The following HDX variants were observed in gnomAD, a reference collection of about 807,000 sequenced individuals.
HDX encodes chromosome X open reading frame 43.
A neutral mutation model predicts 45.2 loss-of-function variants in HDX; 19 were observed. The ratio of observed to expected loss-of-function variants is 0.42; its 90% CI spans 0.29 to 0.62. The LOEUF is 0.62. Ranked by LOEUF, HDX falls within the 20% of genes least tolerant of loss-of-function variation. HDX has a pLI of 0.20. For synonymous variants in HDX, 188 were observed against 172.8 expected (o/e 1.09, Z -0.69); for missense variants, 532 against 493.9 (o/e 1.08, Z -0.73).
rs184511400 is a variant in HDX, at chrX:84,321,306, A to T, written c.*583T>A. 9.0e-6 allele frequency: 1 copy of T among 111,155 alleles called. No homozygotes were observed. The highest frequency in any genetic ancestry group is 3.2e-5 in the African/African-American group (1 of 30,817). The allele number at this position is 111,155 out of a possible 1,213,427, so 9.2% of individuals were successfully genotyped here. A position where few individuals can be genotyped will look rare whatever the true frequency, so the allele number is the denominator to read the frequency against. ...TATTTGGGTTAGATAATAGAAGAAC[A>T]CCAGCAATTTACAATTACATACCTG... On this transcript the variant is annotated 3_prime_UTR_variant, in exon 11 of 11. Coordinates refer to ENST00000373177, the MANE Select transcript of HDX (RefSeq NM_001177479.2).
In HDX at chrX:84,451,829, T is replaced by A. The variant is rs185688615; in HGVS notation, c.1252-11244A>T. Among the ~76,000 whole-genome samples, 221 of 111,652 alleles carry A rather than the reference T, an allele frequency of 2.0e-3. 2 individuals are homozygous for A. Among genetic ancestry groups the A allele is most frequent in the African/African-American group, 7.0e-3 (214 of 30,791 alleles). On this transcript the variant is annotated intron_variant, in intron 4 of 10. Transcript: ENST00000373177. ...TGTACATCAAAAAGTTAATACAAAA[T>A]GATCAAGTGGAATTCTTCCCAGGGA...
intron 5 of HDX, among the ~76,000 whole-genome samples, chrX:84,436,566 T>G (rs1426417928): frequency 8.9e-6 from 1 of 111,911 alleles, no homozygotes; most frequent in African/African-American, 3.2e-5. Flanking sequence ...ATTGTATTCT[T>G]ATTTTCTCCT....
chrX:84,431,041 T>C (rs2039494444), intron 5 of HDX, among the ~76,000 whole-genome samples: 1 of 110,623 alleles, frequency 9.0e-6, no homozygotes, highest in African/African-American at 3.3e-5. Context: ...TTCAAGTAGG[T>C]ACTATTGTCT....
rs570821698 is a variant in HDX, at chrX:84,352,992, G to C, written c.1452+8474C>G. Among the ~76,000 whole-genome samples, 294 of 111,266 alleles carry C rather than the reference G, an allele frequency of 2.6e-3. 2 individuals are homozygous for C. Among genetic ancestry groups the C allele is most frequent in the African/African-American group, 9.2e-3 (284 of 30,715 alleles). On this transcript the variant is annotated intron_variant, in intron 6 of 10. Transcript: ENST00000373177. ...GAGTGAAGAAAAAAAAAGCAGAAAC[G>C]AAGTTTCTATTTATCTTCCACTTCT...
At chrX:84,410,079 A>G (rs1386250006) in intron 5 of HDX, among the ~76,000 whole-genome samples, 5 of 105,900 alleles carry the variant, frequency 4.7e-5, no homozygotes, top group African/African-American at 1.7e-4. Context: ...AAAAAAAAAA[A>G]AAAGAATCAT....
chrX:84,492,030 G>A (rs1180890816), intron 1 of HDX, among the ~76,000 whole-genome samples: 1 of 110,956 alleles, frequency 9.0e-6, no homozygotes, highest in Non-Finnish European at 1.9e-5. Context: ...ACTGTGCAAT[G>A]TTCTCTCCAG....
At chrX:84,415,265 T>C (rs959381519) in intron 5 of HDX, among the ~76,000 whole-genome samples, 1 of 112,332 alleles carries the variant, frequency 8.9e-6, no homozygotes, top group Non-Finnish European at 1.9e-5. Context: ...CAAGTGGCTT[T>C]GCATGATATC....
chrX:84,499,992 T>A, intron 1 of HDX: 1 of 112,212 alleles, frequency 8.9e-6, no homozygotes, highest in Non-Finnish European at 1.9e-5. Flanking sequence ...TTTTTAAAGA[T>A]ACATGATACA....
chrX:84,325,301 G>A (rs2147751813), intron 10 of HDX, among the ~76,000 whole-genome samples: 1 of 111,266 alleles, frequency 9.0e-6, no homozygotes, highest in South Asian at 3.7e-4. Context: ...TGATATAAGA[G>A]ATGAATATTT....
At chrX:84,420,191 G>A (rs765556698) in intron 5 of HDX, among the ~76,000 whole-genome samples, 3 of 111,771 alleles carry the variant, frequency 2.7e-5, no homozygotes, top group Non-Finnish European at 5.6e-5. Flanking sequence ...AGAGATATGC[G>A]AATTTTTAGA....
At chrX:84,409,881 A>C (rs764414162) in intron 5 of HDX, among the ~76,000 whole-genome samples, 10 of 101,841 alleles carry the variant, frequency 9.8e-5, no homozygotes, top group African/African-American at 1.4e-4. Context: ...ATAATAATAA[A>C]ATTTAAAAAA....
intron 5 of HDX, among the ~76,000 whole-genome samples, chrX:84,407,666 C>T (rs951374934): frequency 5.4e-5 from 6 of 111,367 alleles, no homozygotes; most frequent in African/African-American, 2.0e-4. Flanking sequence ...AGCTAATTTA[C>T]ATTCCCACCA....
At chrX:84,397,988 G>T (rs974356850) in intron 5 of HDX, among the ~76,000 whole-genome samples, 4 of 110,415 alleles carry the variant, frequency 3.6e-5, no homozygotes. Flanking sequence ...GGCAACCAAG[G>T]TATCCAGGTT....
At chrX:84,350,436 T>G (rs1460337961) in intron 6 of HDX, among the ~76,000 whole-genome samples, 1 of 111,591 alleles carries the variant, frequency 9.0e-6, no homozygotes, top group African/African-American at 3.3e-5. Context: ...AATCTCCAAA[T>G]ATAATTTTGG....
At chrX:84,499,291 A>G (rs975491289) in intron 1 of HDX, among the ~76,000 whole-genome samples, 4 of 111,601 alleles carry the variant, frequency 3.6e-5, no homozygotes, top group African/African-American at 6.5e-5. Context: ...AGAAAACCCA[A>G]TGTCATCCTC....
intron 5 of HDX, among the ~76,000 whole-genome samples, chrX:84,385,730 T>G: frequency 9.0e-6 from 1 of 110,968 alleles, no homozygotes; most frequent in East Asian, 2.8e-4. Context: ...ACTAAAATTG[T>G]TTATCAATTC....
chrX:84,459,907 C>CAACTATATG (rs979809001), intron 4 of HDX, among the ~76,000 whole-genome samples: 32 of 110,913 alleles, frequency 2.9e-4, no homozygotes, highest in Non-Finnish European at 1.5e-4. Context: ...CTATAATGAG[C>CAACTATATG]AACTATATGC....
intron 5 of HDX, among the ~76,000 whole-genome samples, chrX:84,402,824 CTCA>C (rs1183556406): frequency 3.6e-5 from 4 of 110,749 alleles, no homozygotes; most frequent in Non-Finnish European, 7.6e-5. Context: ...ACTATTGTTC[CTCA>C]TCAATAATTG....
chrX:84,490,276 TTTATCCTTG>T (rs767390348), intron 1 of HDX, among the ~76,000 whole-genome samples: 5 of 111,685 alleles, frequency 4.5e-5, no homozygotes, highest in African/African-American at 6.5e-5. Context: ...TCATTTCCTC[TTTATCCTTG>T]TTTTGAGCTT....
Sources: gnomAD v4.1 joint callset for allele counts (sites outside exome capture counted in the v4.1 genomes callset) on GRCh38, gnomAD v4.1.1 for gene constraint, MANE v1.5 for transcripts, NCBI Gene and HGNC (gene_info 2026-07-23, HGNC 2026-07-21) for gene names.